The following OPA3 variants were observed in gnomAD, a reference collection of about 807,000 sequenced individuals.
OPA3 encodes optic atrophy 3 protein.
A neutral mutation model predicts 4.0 loss-of-function variants in OPA3; 6 were observed. The observed-to-expected ratio is 1.51, with a 90% confidence interval of 0.83 to 2.99. The LOEUF is 2.99. Among genes scored for constraint, OPA3 ranks in the 30% most tolerant of loss-of-function variants. OPA3 has a pLI of 0.00. For missense variants in OPA3, 235 were observed against 256.2 expected (o/e 0.92, Z 0.56); for synonymous variants, 105 against 117.1 (o/e 0.90, Z 0.67).
intron 1 of OPA3, among the ~76,000 whole-genome samples, chr19:45,562,859 T>A (rs1180054976): frequency 6.6e-5 from 10 of 152,286 alleles, no homozygotes; most frequent in Admixed American, 3.9e-4. Flanking sequence ...ATTGTGGTTA[T>A]GTAAAATGTT....
intron 1 of OPA3, among the ~76,000 whole-genome samples, chr19:45,557,023 G>A (rs922282659): frequency 1.9e-4 from 29 of 152,342 alleles, no homozygotes; most frequent in African/African-American, 7.0e-4. Context: ...GCCCAGAGCT[G>A]GGCCCGTAAC....
In OPA3 at chr19:45,549,266, A is replaced by G. The variant is rs1316326480; in HGVS notation, c.*4248T>C. On this transcript the variant is annotated 3_prime_UTR_variant, in exon 2 of 2. Coordinates refer to ENST00000263275, the MANE Select transcript of OPA3 (RefSeq NM_025136.4). ...CCATCCTCTGGCCTCTTGCATTTTG[A>G]GAGGACGTTCTTTCCACTTCCACAC... 2.0e-6 allele frequency: 2 copies of G among 985,304 alleles called. No individual in the cohort carries two copies. The highest frequency in any genetic ancestry group is 2.3e-4 in the East Asian group (2 of 8,828). The allele number at this position is 985,304 out of a possible 1,614,324, so 61.0% of individuals were successfully genotyped here.
intron 1 of OPA3, among the ~76,000 whole-genome samples, chr19:45,531,300 C>T (rs8111589): frequency 0.52 from 78,596 of 151,846 alleles, 20,519 homozygotes; most frequent in Middle Eastern, 0.66. Flanking sequence ...TGCTTCGTAT[C>T]GTGCCACATT....
downstream of OPA3, among the ~76,000 whole-genome samples, chr19:45,544,462 C>A (rs1236487440): frequency 5.3e-5 from 8 of 152,100 alleles, no homozygotes; most frequent in Admixed American, 2.0e-4. Flanking sequence ...GAGTTCGAGA[C>A]CAGCCTGGCC....
chr19:45,561,856 G>A (rs1175840222), intron 1 of OPA3, among the ~76,000 whole-genome samples: 2 of 151,870 alleles, frequency 1.3e-5, no homozygotes, highest in Non-Finnish European at 2.9e-5. Context: ...CAAGACAATC[G>A]CTTGAACCCG....
chr19:45,584,583 A>G (rs1043449541), intron 1 of OPA3, 40 bp downstream of exon 1: 1 of 1,614,006 alleles, frequency 6.2e-7, no homozygotes, highest in South Asian at 1.1e-5. Flanking sequence ...CAGGGGTTGG[A>G]GAAAGGAAAA....
intron 1 of OPA3, among the ~76,000 whole-genome samples, chr19:45,566,227 G>A (rs1969580255): frequency 6.8e-6 from 1 of 146,432 alleles, no homozygotes; most frequent in Non-Finnish European, 1.5e-5. Context: ...TCAGCTCACT[G>A]CAACCTCTGC....
Position 45,548,336 on chromosome 19 carries a change from A to G in OPA3, c.*5178T>C. On this transcript the variant is annotated 3_prime_UTR_variant, in exon 2 of 2. Transcript: ENST00000263275. Reference sequence around the variant, plus strand: ...CCCTCCAGGCAATGGCCTGCCCTACAGAGAAACCAACAAGAGGGACAGCAG... The same window carrying G: ...CCCTCCAGGCAATGGCCTGCCCTACGGAGAAACCAACAAGAGGGACAGCAG... 1.0e-6 allele frequency: 1 copy of G among 985,462 alleles called. No homozygotes were observed. The highest frequency in any genetic ancestry group is 1.1e-4 in the East Asian group (1 of 8,822). 61.0% of individuals were successfully genotyped at this position (985,462 alleles called of 1,614,324 possible). A position where few individuals can be genotyped will look rare whatever the true frequency, so the allele number is the denominator to read the frequency against.
intron 1 of OPA3, among the ~76,000 whole-genome samples, chr19:45,582,437 G>T (rs1969870313): frequency 6.6e-6 from 1 of 152,070 alleles, no homozygotes; most frequent in Non-Finnish European, 1.5e-5. Flanking sequence ...TAGGATTACA[G>T]ATGCGAGCCA....
rs140959406 is a variant in OPA3 at position 45,529,415 on chromosome 19, C to T, written c.184G>A (p.Gly62Ser). 4.5e-4 allele frequency: 729 copies of T among 1,614,178 alleles called. 5 individuals are homozygous for T. In the African/African-American group the frequency reaches 9.1e-3, roughly 20 times the overall value. The change falls in exon 2 of 2, where the codon GGT (glycine) becomes AGT (serine). Residue 62 changes from glycine (G) to serine (S), a missense_variant. Gly to Ser is a moderately conservative substitution (Grantham distance 56, BLOSUM62 0). Coordinates refer to the OPA3 transcript ENST00000323060. Reference sequence around the variant, plus strand: ...GGCTTGATGGCAGCGGCATTGAAACCCATGATGCGCATTTTGGTCCGCATC... The same window carrying T: ...GGCTTGATGGCAGCGGCATTGAAACTCATGATGCGCATTTTGGTCCGCATC...
intron 1 of OPA3, among the ~76,000 whole-genome samples, chr19:45,583,517 T>A (rs1230947366): frequency 6.6e-6 from 1 of 151,814 alleles, no homozygotes; most frequent in Non-Finnish European, 1.5e-5. Flanking sequence ...TATTTATTAT[T>A]TTTTGAGACA....
intron 1 of OPA3, among the ~76,000 whole-genome samples, chr19:45,534,642 C>CT (rs1277103902): frequency 4.6e-5 from 6 of 131,218 alleles, no homozygotes; most frequent in East Asian, 4.7e-4. Context: ...TTTTCTTTTT[C>CT]TTTTTTTTGA....
At chr19:45,566,920 T>TAAAAA (rs1421119173) in intron 1 of OPA3, among the ~76,000 whole-genome samples, 6 of 152,172 alleles carry the variant, frequency 3.9e-5, no homozygotes, top group African/African-American at 1.4e-4. Context: ...ATAGCACCTT[T>TAAAAA]ACTTGCAATA....
chr19:45,561,778 T>C (rs916074852), intron 1 of OPA3, among the ~76,000 whole-genome samples: 1 of 151,656 alleles, frequency 6.6e-6, no homozygotes, highest in Non-Finnish European at 1.5e-5. Context: ...CCGTCTCTAC[T>C]AAAAATACAA....
Position 45,576,774 on chromosome 19 carries a change from C to G in OPA3, c.142+7849G>C, listed in dbSNP as rs115066532. 3.7e-3 allele frequency among the ~76,000 whole-genome samples: 566 copies of G among 152,262 alleles called. 3 individuals are homozygous for G. Among genetic ancestry groups the G allele is most frequent in the African/African-American group, 0.013 (550 of 41,538 alleles). ...TGCCTCCCTCTTTCCCTTATAAGGA[C>G]CCCTGTGATCACACTGACCTGACCT... On this transcript the variant is annotated intron_variant, in intron 1 of 1. Coordinates refer to ENST00000263275, the MANE Select transcript of OPA3 (RefSeq NM_025136.4).
intron 1 of OPA3, chr19:45,584,385 T>C: frequency 1.0e-6 from 1 of 985,382 alleles, no homozygotes; most frequent in South Asian, 4.7e-5. Context: ...GCTCTCTTCC[T>C]TTATCGGCTG....
exon 2 of OPA3, chr19:45,529,305 C>T: frequency 6.2e-7 from 1 of 1,614,166 alleles, no homozygotes; most frequent in East Asian, 2.2e-5. Context: ...AATACTCCAG[C>T]ATCAGGCAGC....
chr19:45,584,566 CA>C, intron 1 of OPA3, 56 bp downstream of exon 1: 2 of 1,613,478 alleles, frequency 1.2e-6, no homozygotes, highest in Non-Finnish European at 1.7e-6. Context: ...CCTAAGCAAC[CA>C]CCTGACAGGG....
At chr19:45,584,278 C>T (rs1365125060) in intron 1 of OPA3, 1 of 950,156 alleles carries the variant, frequency 1.1e-6, no homozygotes, top group Non-Finnish European at 1.3e-6. Context: ...TCCGGTTTCT[C>T]CTCAGCCCCT....
Sources: gnomAD v4.1 joint callset for allele counts (sites outside exome capture counted in the v4.1 genomes callset) on GRCh38, gnomAD v4.1.1 for gene constraint, MANE v1.5 for transcripts, NCBI Gene and HGNC (gene_info 2026-07-23, HGNC 2026-07-21) for gene names.